The following PPP2R1A variants were observed in gnomAD, a reference collection of about 807,000 sequenced individuals.
PPP2R1A encodes the protein protein phosphatase 2 scaffold subunit Aalpha.
PPP2R1A carries 15 observed loss-of-function variants against 67.1 expected under a neutral mutation model. The observed-to-expected ratio is 0.22, with a 90% confidence interval of 0.15 to 0.34. PPP2R1A has a LOEUF of 0.34. PPP2R1A is among the 10% of genes least tolerant of loss of function. PPP2R1A has a pLI of 1.00. For synonymous variants in PPP2R1A, 337 were observed against 325.0 expected, an observed-to-expected ratio of 1.04 and a Z score of -0.40; for missense variants, 369 against 775.0, an observed-to-expected ratio of 0.48 and a Z score of 6.22.
In PPP2R1A at chr19:52,221,237, G is replaced by A. The variant is rs894932904; in HGVS notation, c.1518+104G>A. 4.8e-6 allele frequency: 7 copies of A among 1,467,140 alleles called. No homozygotes were observed. The African/African-American group carries it at 9.8e-5, about 21-fold the overall frequency. 90.9% of individuals were successfully genotyped at this position (1,467,140 alleles called of 1,614,324 possible). On this transcript the variant is annotated intron_variant, in intron 12 of 14. Transcript: ENST00000322088. Reference sequence around the variant, plus strand: ...CAAGGGAGACACCTGGCTTGGGAATGGAGACATGGAGTGCATCTTCTATCC... The same window carrying A: ...CAAGGGAGACACCTGGCTTGGGAATAGAGACATGGAGTGCATCTTCTATCC...
rs2122358188 is a variant in PPP2R1A, at chr19:52,219,049, C to T, written c.1129-642C>T. ...CTAAATGAAAAAGGCTACCTTTTTACTGGTGCACCAAAAATAAGTCTTTTT... is the reference window on the plus strand; with the variant it reads ...CTAAATGAAAAAGGCTACCTTTTTATTGGTGCACCAAAAATAAGTCTTTTT... On this transcript the variant is annotated intron_variant, in intron 9 of 14. Coordinates refer to ENST00000322088, the MANE Select transcript of PPP2R1A (RefSeq NM_014225.6). The surrounding 1 kb of genome is among the most constrained non-coding windows in gnomAD (Gnocchi z 4.0). Among the ~76,000 whole-genome samples the T allele has an allele frequency of 6.6e-6, 1 of 152,348 alleles. No homozygotes were observed. Among genetic ancestry groups the T allele is most frequent in the South Asian group, 2.1e-4 (1 of 4,832 alleles).
chr19:52,220,358 C>CCGCTGGATGCTCGTATGGACCAGCT, intron 11 of PPP2R1A, 109 bp downstream of exon 11: 2 of 1,171,784 alleles, frequency 1.7e-6, no homozygotes, highest in Admixed American at 3.4e-5. Flanking sequence ...ACTCCCCACG[C>CCGCTGGATGCTCGTATGGACCAGCT]CGCTGGATGC....
At position 52,219,558 on chromosome 19, in the gene PPP2R1A, G is replaced by A. The variant is rs984757776; in HGVS notation, c.1129-133G>A. On this transcript the variant is annotated intron_variant, in intron 9 of 14. Transcript: ENST00000322088. The surrounding 1 kb of genome is among the most constrained non-coding windows in gnomAD (Gnocchi z 4.0). ...TGTGCCGTTAATGTGTTCCCAGAAC[G>A]GGGAGCTGGGCTTGGACAGGAGTAG... 5 of 856,792 alleles carry A rather than the reference G, an allele frequency of 5.8e-6. No homozygotes were observed. Among genetic ancestry groups the A allele is most frequent in the Middle Eastern group, 2.5e-4 (1 of 3,960 alleles). 53.1% of individuals were successfully genotyped at this position (856,792 alleles called of 1,614,324 possible). A position where few individuals can be genotyped will look rare whatever the true frequency, so the allele number is the denominator to read the frequency against.
At chr19:52,198,161 A>T (rs2089513128) in intron 1 of PPP2R1A, among the ~76,000 whole-genome samples, 1 of 152,174 alleles carries the variant, frequency 6.6e-6, no homozygotes, top group South Asian at 2.1e-4. Context: ...CAGATGAGAA[A>T]ATTGAGGCTC....
intron 1 of PPP2R1A, among the ~76,000 whole-genome samples, chr19:52,199,387 T>A (rs1381627767): frequency 6.6e-6 from 1 of 151,998 alleles, no homozygotes; most frequent in Non-Finnish European, 1.5e-5. Flanking sequence ...GCCAGGATGG[T>A]CTCGATCTCC....
chr19:52,217,099 A>C (rs1379549944), intron 9 of PPP2R1A, among the ~76,000 whole-genome samples: 2 of 152,296 alleles, frequency 1.3e-5, no homozygotes, highest in East Asian at 3.9e-4. Flanking sequence ...CTAAGGCAGG[A>C]GTATCACTTG....
intron 1 of PPP2R1A, among the ~76,000 whole-genome samples, chr19:52,194,269 T>G (rs1473437799): frequency 3.3e-5 from 5 of 151,898 alleles, no homozygotes; most frequent in African/African-American, 1.2e-4. Context: ...GAGGGAATAG[T>G]TGGTACAAAG....
At chr19:52,221,461 G>C (rs1299266252) in intron 12 of PPP2R1A, among the ~76,000 whole-genome samples, 1 of 152,204 alleles carries the variant, frequency 6.6e-6, no homozygotes, top group Non-Finnish European at 1.5e-5. Context: ...GGTGCGTTGG[G>C]TGAGTGTATG....
At chr19:52,217,636 C>T (rs543420163) in intron 9 of PPP2R1A, among the ~76,000 whole-genome samples, 3 of 152,112 alleles carry the variant, frequency 2.0e-5, no homozygotes, top group African/African-American at 7.2e-5. Context: ...CTAAGGTGCT[C>T]TAATATAGAC....
Position 52,211,212 on chromosome 19 carries a change from C to T in PPP2R1A, c.271-48C>T, listed in dbSNP as rs367941373. ...GGTGCAGGATGGGGCTCCAGGGCTG[C>T]GGATGGTGGAGAGGGAGCTGTCCAG... On this transcript the variant is annotated intron_variant, in intron 3 of 14. Coordinates refer to ENST00000322088, the MANE Select transcript of PPP2R1A (RefSeq NM_014225.6). The surrounding 1 kb of genome is among the most constrained non-coding windows in gnomAD (Gnocchi z 5.3). 35 of 1,565,594 alleles carry T rather than the reference C, an allele frequency of 2.2e-5. No individual in the cohort carries two copies. Among genetic ancestry groups the T allele is most frequent in the African/African-American group, 1.4e-4 (10 of 73,792 alleles).
rs559725266 is a variant in PPP2R1A at position 52,206,025 on chromosome 19, A to C, written c.232A>C (p.Thr78Pro). The C allele has an allele frequency of 9.9e-6, 16 of 1,613,926 alleles. No individual in the cohort carries two copies. The highest frequency in any genetic ancestry group is 1.4e-5 in the Non-Finnish European group (16 of 1,179,966). The change falls in exon 3 of 15, where the codon ACC (threonine) becomes CCC (proline). Residue 78 changes from threonine to proline, a missense_variant. Thr to Pro is a conservative substitution (Grantham distance 38, BLOSUM62 -1). Around this residue, in one of 2 missense-constraint regions of PPP2R1A, gnomAD observed 93 missense variants for 266.5 expected, o/e 0.35. Coordinates refer to ENST00000322088, the MANE Select transcript of PPP2R1A (RefSeq NM_014225.6). ...ALAEQLGTFT[T>P]LVGGPEYVHC... The stretch of plus-strand genomic sequence containing the variant: ...GGCAGAACAGCTGGGAACCTTCACT[A>C]CCCTGGTGGGAGGCCCAGAGTACGT...
At chr19:52,224,913 C>T (rs1262141943) in intron 13 of PPP2R1A, among the ~76,000 whole-genome samples, 3 of 151,338 alleles carry the variant, frequency 2.0e-5, no homozygotes, top group Non-Finnish European at 4.4e-5. Flanking sequence ...GTTGTCCAGG[C>T]TGGTCTTGAA....
chr19:52,203,423 A>G (rs2089571448), intron 2 of PPP2R1A, among the ~76,000 whole-genome samples: 1 of 152,152 alleles, frequency 6.6e-6, no homozygotes, highest in Non-Finnish European at 1.5e-5. Flanking sequence ...AAAATGTTGG[A>G]CCTGGGTTTG....
intron 11 of PPP2R1A, 62 bp from the exon 12 acceptor site, chr19:52,220,917 T>C: frequency 2.5e-6 from 4 of 1,574,848 alleles, no homozygotes; most frequent in Non-Finnish European, 3.5e-6. Flanking sequence ...GTGACCTACA[T>C]TTTGCCCACA....
At position 52,211,264 on chromosome 19, in the gene PPP2R1A, C is replaced by T. The variant is rs950558629; in HGVS notation, c.275C>T (p.Pro92Leu). Reference protein sequence around the residue: ...GPEYVHCLLPPLESLATVEET... With the variant: ...GPEYVHCLLPLLESLATVEET... Reference sequence around the variant, plus strand: ...GACTTTGTGTTCTCACCACAGCCACCGCTGGAGTCGCTGGCCACAGTGGAG... The same window carrying T: ...GACTTTGTGTTCTCACCACAGCCACTGCTGGAGTCGCTGGCCACAGTGGAG... Residue 92 changes from proline to leucine, a missense_variant, in exon 4 of 15, where the codon CCG (proline) becomes CTG (leucine). This residue lies in a region of PPP2R1A where 93 missense variants were observed against 266.5 expected (regional missense o/e 0.35). Coordinates refer to ENST00000322088, the MANE Select transcript of PPP2R1A (RefSeq NM_014225.6). This position sits in a 1 kb window ranked among gnomAD's most constrained non-coding sequence, Gnocchi z 5.3. 1.9e-6 allele frequency: 3 copies of T among 1,612,064 alleles called. No homozygotes were observed. The highest frequency in any genetic ancestry group is 2.2e-5 in the East Asian group (1 of 44,858).
chr19:52,202,316 C>T (rs760675313), intron 2 of PPP2R1A, among the ~76,000 whole-genome samples: 10 of 152,296 alleles, frequency 6.6e-5, no homozygotes, highest in Admixed American at 2.0e-4. Context: ...AGTTAGTTTA[C>T]CTGTTTCTTA....
At chr19:52,220,311 G>C (rs1363444072) in intron 11 of PPP2R1A, 62 bp downstream of exon 11, 1 of 1,570,498 alleles carries the variant, frequency 6.4e-7, no homozygotes, top group Admixed American at 1.7e-5. Context: ...GGATGGATTG[G>C]CTGGGGCTGT....
Position 52,222,134 on chromosome 19 carries a change from C to G in PPP2R1A, c.1554C>G (p.Thr518=). ...LSEVCGQDIT[T]KHMLPTVLRM... ...AGGTCTGTGGGCAGGACATCACCAC[C>G]AAGCACATGCTACCCACGGTTCTGC... Residue 518 remains threonine (T), a synonymous_variant, in exon 13 of 15, where the codon ACC becomes ACG. Transcript: ENST00000322088. 1 of 1,613,944 alleles carries G rather than the reference C, an allele frequency of 6.2e-7. No homozygotes were observed. The highest frequency in any genetic ancestry group is 8.5e-7 in the Non-Finnish European group (1 of 1,179,932).
chr19:52,204,048 T>C (rs933681952), intron 2 of PPP2R1A, among the ~76,000 whole-genome samples: 8 of 152,238 alleles, frequency 5.3e-5, no homozygotes, highest in African/African-American at 1.4e-4. Flanking sequence ...CTCTGGGTTT[T>C]TATGGAAGCT....
Sources: allele counts gnomAD v4.1 joint callset (sites outside exome capture counted in the v4.1 genomes callset), GRCh38; gene constraint gnomAD v4.1.1; regional missense constraint gnomAD v4.1.1; non-coding constraint Gnocchi (gnomAD v3.1); transcripts MANE v1.5; gene names NCBI Gene and HGNC (gene_info 2026-07-23, HGNC 2026-07-21).